The following NDRG4 variants were observed in gnomAD, a reference collection of about 807,000 sequenced individuals.
NDRG4 encodes NDRG family member 4, also known as protein NDRG4.
A neutral mutation model predicts 55.8 loss-of-function variants in NDRG4; 38 were observed. The ratio of observed to expected loss-of-function variants is 0.68; its 90% confidence interval spans 0.53 to 0.89. The LOEUF (loss-of-function observed/expected upper bound fraction) is 0.89, where lower values mean the gene tolerates loss of function less well. NDRG4 is among the 40% of genes least tolerant of loss of function. The pLI is 0.00. For synonymous variants in NDRG4, 190 were observed against 182.7 expected (o/e 1.04, Z -0.32); for missense variants, 455 against 468.6 (o/e 0.97, Z 0.27).
intron 1 of NDRG4, chr16:58,465,264 GGGCTGATCACTGC>G (rs1567556592): frequency 1.9e-6 from 1 of 519,040 alleles, no homozygotes. Flanking sequence ...CTGGGGGAGG[GGGCTGATCACTGC>G]CTTCCAGGAC....
chr16:58,497,096 T>G (rs1032755352), upstream of NDRG4: 9 of 152,154 alleles, frequency 5.9e-5, no homozygotes, highest in Non-Finnish European at 1.3e-4. Flanking sequence ...CTGAGGCAGG[T>G]GCATCACTTG....
Sources: allele counts gnomAD v4.1 joint callset, GRCh38; gene constraint gnomAD v4.1.1; transcripts MANE v1.5; gene names NCBI Gene and HGNC (gene_info 2026-07-23, HGNC 2026-07-21).